Variants in PODXL observed in about 807,000 individuals in gnomAD.
PODXL encodes the protein podocalyxin.
A neutral mutation model predicts 48.9 loss-of-function variants in PODXL; 20 were observed. That is an observed-to-expected ratio of 0.41 (90% CI 0.29 to 0.59). The LOEUF (loss-of-function observed/expected upper bound fraction) is 0.59. PODXL is among the 20% of genes least tolerant of loss of function. The pLI is 0.31. For synonymous variants in PODXL, 295 were observed against 287.4 expected, an observed-to-expected ratio of 1.03 and a Z score of -0.27; for missense variants, 606 against 675.1, an observed-to-expected ratio of 0.90 and a Z score of 1.13.
chr7:131,554,766 G>A (rs906946899), intron 1 of PODXL, among the ~76,000 whole-genome samples: 6 of 152,070 alleles, frequency 3.9e-5, no homozygotes, highest in African/African-American at 7.2e-5. Context: ...ACAGCCCAAC[G>A]CCCTTCTGGG....
At chr7:131,524,379 C>CACACAGAGAG (rs746255906) in intron 1 of PODXL, among the ~76,000 whole-genome samples, 9 of 104,108 alleles carry the variant, frequency 8.6e-5, no homozygotes, top group Admixed American at 2.4e-4. Context: ...CACACACACA[C>CACACAGAGAG]AGAGAGAGAG....
intron 1 of PODXL, among the ~76,000 whole-genome samples, chr7:131,537,733 C>G (rs1191562900): frequency 6.6e-6 from 1 of 152,196 alleles, no homozygotes; most frequent in Non-Finnish European, 1.5e-5. Context: ...GTGTTCCTCT[C>G]CATCCCCGAG....
At position 131,556,352 on chromosome 7, in the gene PODXL, C is replaced by T; in HGVS notation, c.8G>A (p.Cys3Tyr). The T allele has an allele frequency of 6.9e-7, 1 of 1,440,914 alleles. No individual in the cohort carries two copies. Among genetic ancestry groups the T allele is most frequent in the South Asian group, 1.5e-5 (1 of 66,978 alleles). The allele number at this position is 1,440,914 out of a possible 1,614,324, so 89.3% of individuals were successfully genotyped here. Reference protein sequence around the residue: MRCALALSALLLL... With the variant: MRYALALSALLLL... Reference sequence around the variant, plus strand: ...CAGCAGCGCCGAGAGCGCCAGCGCGCAGCGCATCGTGTCGTCGCCTCTGGG... The same window carrying T: ...CAGCAGCGCCGAGAGCGCCAGCGCGTAGCGCATCGTGTCGTCGCCTCTGGG... Residue 3 changes from cysteine to tyrosine, a missense_variant, in exon 1 of 9, where the codon TGC (cysteine) becomes TAC (tyrosine). Coordinates refer to ENST00000378555, the MANE Select transcript of PODXL (RefSeq NM_001018111.3).
At chr7:131,522,105 G>C (rs1275400610) in intron 1 of PODXL, among the ~76,000 whole-genome samples, 1 of 152,156 alleles carries the variant, frequency 6.6e-6, no homozygotes, top group African/African-American at 2.4e-5. Context: ...CAGAACATCA[G>C]GAAATGGTCC....
In PODXL at chr7:131,538,190, A is replaced by AC. The variant is rs976004709; in HGVS notation, c.100+18069dup. On this transcript the variant is annotated intron_variant, in intron 1 of 8. Coordinates refer to ENST00000378555, the MANE Select transcript of PODXL (RefSeq NM_001018111.3). ...GTGCTCTGACTTAGTTGGGAGGATG[A>AC]CCCCCCTACCCCCAGGCAGACCCTC... Among the ~76,000 whole-genome samples, 5 of 150,020 alleles carry AC rather than the reference A, an allele frequency of 3.3e-5. No individual in the cohort carries two copies. The East Asian group carries it at 6.0e-4, about 18-fold the overall frequency.
intron 1 of PODXL, among the ~76,000 whole-genome samples, chr7:131,536,777 C>T (rs1338786663): frequency 6.6e-6 from 1 of 152,092 alleles, no homozygotes; most frequent in Non-Finnish European, 1.5e-5. Context: ...CTCAGAACAG[C>T]CCCTTTCCCT....
chr7:131,529,269 G>A (rs2116830440), intron 1 of PODXL, among the ~76,000 whole-genome samples: 1 of 152,210 alleles, frequency 6.6e-6, no homozygotes, highest in Non-Finnish European at 1.5e-5. Context: ...CATTCCTGCT[G>A]ATGTTGAAGC....
At chr7:131,506,444 G>A (rs1396807682) in intron 6 of PODXL, 123 bp from the exon 7 acceptor site, 2 of 1,425,370 alleles carry the variant, frequency 1.4e-6, no homozygotes, top group Non-Finnish European at 2.0e-6. Flanking sequence ...CGGGTGACCT[G>A]GGAGGGGGTG....
rs970959999 is a variant in PODXL at position 131,518,133 on chromosome 7, A to G, written c.101-6700T>C. 2.6e-5 allele frequency among the ~76,000 whole-genome samples: 4 copies of G among 152,002 alleles called. No individual in the cohort carries two copies. The East Asian group carries it at 7.7e-4, about 29-fold the overall frequency. ...TCTTAACTTGATTACATCTGCAAAG[A>G]CCCTATTTCTAAGTAGGGTCACCTG... On this transcript the variant is annotated intron_variant, in intron 1 of 8. Coordinates refer to ENST00000378555, the MANE Select transcript of PODXL (RefSeq NM_001018111.3).
chr7:131,556,600 G>GGCGGCGTCTGC lies in PODXL; in HGVS notation c.-252_-242dup. 1 of 320,190 alleles carries GGCGGCGTCTGC rather than the reference G, an allele frequency of 3.1e-6. No homozygotes were observed. The highest frequency in any genetic ancestry group is 5.4e-6 in the Non-Finnish European group (1 of 186,042). The allele number at this position is 320,190 out of a possible 1,614,324, so 19.8% of individuals were successfully genotyped here. On this transcript the variant is annotated 5_prime_UTR_variant, in exon 1 of 9. Coordinates refer to ENST00000378555, the MANE Select transcript of PODXL (RefSeq NM_001018111.3). The stretch of plus-strand genomic sequence containing the variant: ...CGGCGGCGGCGGCGGCTGCGTCCTG[G>GGCGGCGTCTGC]GCGGCGTCTGCGCGGCTGCGGCCCC...
In PODXL at chr7:131,512,613, G is replaced by C. The variant is rs75350550; in HGVS notation, c.101-1180C>G. Among the ~76,000 whole-genome samples, 1,240 of 152,238 alleles carry C rather than the reference G, an allele frequency of 8.1e-3. 10 individuals are homozygous for C. The highest frequency in any genetic ancestry group is 0.014 in the Non-Finnish European group (922 of 68,010). ...GGGTCAGGTTCAGGGCTGAGAAAAT[G>C]CAGGGTCTTATGACAGTGATAGCAA... On this transcript the variant is annotated intron_variant, in intron 1 of 8. Coordinates refer to ENST00000378555, the MANE Select transcript of PODXL (RefSeq NM_001018111.3).
At chr7:131,505,666 A>G (rs1562901727) in intron 8 of PODXL, among the ~76,000 whole-genome samples, 1 of 152,196 alleles carries the variant, frequency 6.6e-6, no homozygotes, top group Non-Finnish European at 1.5e-5. Flanking sequence ...TCCCGACTCC[A>G]AAGCCCACGC....
chr7:131,519,988 G>T (rs768749365), intron 1 of PODXL: 3 of 172,540 alleles, frequency 1.7e-5, no homozygotes, highest in Non-Finnish European at 3.7e-5. Flanking sequence ...GTCTCCCAAA[G>T]TGCTGGGACT....
chr7:131,543,588 T>C (rs901276829), intron 1 of PODXL, among the ~76,000 whole-genome samples: 4 of 152,144 alleles, frequency 2.6e-5, no homozygotes, highest in Non-Finnish European at 5.9e-5. Flanking sequence ...ACGCCTTCTT[T>C]GGCATCTAAG....
chr7:131,551,616 C>T (rs527795422), intron 1 of PODXL, among the ~76,000 whole-genome samples: 4 of 152,258 alleles, frequency 2.6e-5, no homozygotes, highest in African/African-American at 9.6e-5. Context: ...GAACTGGAGA[C>T]ACGATTCCTC....
chr7:131,539,397 C>T (rs1003196779), intron 1 of PODXL, among the ~76,000 whole-genome samples: 1 of 152,182 alleles, frequency 6.6e-6, no homozygotes, highest in Non-Finnish European at 1.5e-5. Context: ...GTATTGTGAT[C>T]TCGGCTTACT....
intron 1 of PODXL, among the ~76,000 whole-genome samples, chr7:131,542,283 T>A (rs905613661): frequency 3.3e-5 from 5 of 152,120 alleles, no homozygotes; most frequent in Admixed American, 3.3e-4. Context: ...CCCTGCAAGG[T>A]GGGTGCAGAG....
chr7:131,553,184 T>C (rs1798693676), intron 1 of PODXL, among the ~76,000 whole-genome samples: 1 of 152,112 alleles, frequency 6.6e-6, no homozygotes, highest in Non-Finnish European at 1.5e-5. Flanking sequence ...GACCCTAATC[T>C]GCATCTCCCC....
intron 8 of PODXL, among the ~76,000 whole-genome samples, chr7:131,505,207 G>A (rs1797778098): frequency 6.6e-6 from 1 of 152,190 alleles, no homozygotes; most frequent in Non-Finnish European, 1.5e-5. Context: ...TTTTTGGTTA[G>A]ACAGAACACC....
Sources: allele counts gnomAD v4.1 joint callset (sites outside exome capture counted in the v4.1 genomes callset), GRCh38; gene constraint gnomAD v4.1.1; transcripts MANE v1.5; gene names NCBI Gene and HGNC (gene_info 2026-07-23, HGNC 2026-07-21).